The following RNF213 variants were observed in gnomAD, a reference collection of about 807,000 sequenced individuals.
RNF213 encodes the protein E3 ubiquitin-protein ligase RNF213.
A neutral mutation model predicts 514.4 loss-of-function variants in RNF213; 341 were observed. That is an observed-to-expected ratio of 0.66 (90% CI 0.61 to 0.73). The LOEUF (loss-of-function observed/expected upper bound fraction) is 0.73. RNF213 is among the 30% of genes least tolerant of loss of function. The pLI, the probability that RNF213 is intolerant of heterozygous loss-of-function variation, is 0.00. For missense variants in RNF213, 5,767 were observed against 6,615.6 expected (o/e 0.87, Z 4.45); for synonymous variants, 2,655 against 2,658.2 (o/e 1.00, Z 0.04).
intron 57 of RNF213, chr17:80,382,188 TAAAAA>T (rs35569924): frequency 6.5e-6 from 1 of 153,990 alleles, no homozygotes; most frequent in Admixed American, 6.2e-5. Flanking sequence ...ACAGTTATGT[TAAAAA>T]AAAAAAGCTA....
Position 80,353,450 on chromosome 17 carries a change from C to A in RNF213, c.10424-62C>A, listed in dbSNP as rs2078607196. 2.0e-5 allele frequency: 31 copies of A among 1,547,316 alleles called. No homozygotes were observed. Among genetic ancestry groups the A allele is most frequent in the Non-Finnish European group, 2.5e-5 (28 of 1,141,248 alleles). ...TGAGCACACAGACTCCCAGATGGCA[C>A]CGCTGCCAGTCCCTGTGCCACCTTC... On this transcript the variant is annotated intron_variant, in intron 33 of 67. Transcript: ENST00000582970. The surrounding 1 kb of genome is among the most constrained non-coding windows in gnomAD (Gnocchi z 5.0).
intron 3 of RNF213, among the ~76,000 whole-genome samples, chr17:80,281,477 C>CACCCCACTCA (rs1491436625): frequency 6.9e-5 from 6 of 87,482 alleles, no homozygotes; most frequent in South Asian, 4.0e-4. Context: ...CACTCACACA[C>CACCCCACTCA]CCCCCAACAT....
chr17:80,280,887 G>A (rs111478526), intron 3 of RNF213, among the ~76,000 whole-genome samples: 190 of 152,204 alleles, frequency 1.2e-3, no homozygotes, highest in African/African-American at 3.9e-3. Context: ...ACATTCCCAC[G>A]GAGTAACAGA....
intron 3 of RNF213, among the ~76,000 whole-genome samples, chr17:80,284,714 T>TC (rs1256839357): frequency 6.9e-6 from 1 of 145,820 alleles, no homozygotes; most frequent in East Asian, 2.2e-4. Flanking sequence ...TCCGGACGGC[T>TC]CCCCCACTGA....
chr17:80,272,587 C>A (rs1003412197), intron 2 of RNF213, among the ~76,000 whole-genome samples: 1 of 152,176 alleles, frequency 6.6e-6, no homozygotes, highest in Non-Finnish European at 1.5e-5. Context: ...GATTTGCCCT[C>A]ACGACCCACA....
Position 80,372,493 on chromosome 17 carries a change from C to A in RNF213, c.12538-28C>A, listed in dbSNP as rs531618903. Reference sequence around the variant, plus strand: ...CATCCATGTTTAAAAAAATAATATCCTTTTCTTTCTTGTTCCTTGTTCCTC... The same window carrying A: ...CATCCATGTTTAAAAAAATAATATCATTTTCTTTCTTGTTCCTTGTTCCTC... On this transcript the variant is annotated intron_variant, in intron 47 of 67. Transcript: ENST00000582970. The A allele has an allele frequency of 3.9e-6, 6 of 1,552,688 alleles. No homozygotes were observed. The South Asian group carries it at 6.8e-5, about 18-fold the overall frequency.
At position 80,332,606 on chromosome 17, in the gene RNF213, G is replaced by C. The variant is rs2046446697; in HGVS notation, c.4118G>C (p.Ser1373Thr). The C allele has an allele frequency of 3.3e-6, 5 of 1,512,638 alleles. No homozygotes were observed. The highest frequency in any genetic ancestry group is 2.8e-5 in the African/African-American group (2 of 72,068). The allele number at this position is 1,512,638 out of a possible 1,614,324, so 93.7% of individuals were successfully genotyped here. ...KESLGLNGDF[S>T]VLNTLLNFTD... The stretch of plus-strand genomic sequence containing the variant: ...AGCCTGGGACTGAACGGTGACTTCA[G>C]TGTTCTCAACACTTTACTAAATTTT... The change falls in exon 21 of 68, where the codon AGT becomes ACT. Residue 1373 changes from serine to threonine, a missense_variant. Around this residue, in one of 13 missense-constraint regions of RNF213, gnomAD observed 516 missense variants for 566.5 expected, o/e 0.91. Transcript: ENST00000582970.
intron 17 of RNF213, among the ~76,000 whole-genome samples, chr17:80,321,753 T>C (rs2046142562): frequency 6.6e-6 from 1 of 152,172 alleles, no homozygotes; most frequent in African/African-American, 2.4e-5. Flanking sequence ...AGATGGAGTC[T>C]TGCCCTGTCA....
At position 80,377,212 on chromosome 17, in the gene RNF213, C is replaced by A. The variant is rs1433104875; in HGVS notation, c.13510+249C>A. On this transcript the variant is annotated intron_variant, in intron 53 of 67. Transcript: ENST00000582970. The surrounding 1 kb of genome is among the most constrained non-coding windows in gnomAD (Gnocchi z 4.1). ...AGGCCCTCTGTGATGCACTTCTGTTCTCTGGAATATGCCATTTTGGGAGAA... is the reference window on the plus strand; with the variant it reads ...AGGCCCTCTGTGATGCACTTCTGTTATCTGGAATATGCCATTTTGGGAGAA... The A allele has an allele frequency of 4.0e-5, 21 of 524,806 alleles. No individual in the cohort carries two copies. Among genetic ancestry groups the A allele is most frequent in the Non-Finnish European group, 6.9e-5 (20 of 289,814 alleles). 32.5% of individuals were successfully genotyped at this position (524,806 alleles called of 1,614,324 possible).
At chr17:80,282,854 C>T (rs2044346769) in intron 3 of RNF213, among the ~76,000 whole-genome samples, 2 of 152,004 alleles carry the variant, frequency 1.3e-5, no homozygotes, top group Non-Finnish European at 2.9e-5. Context: ...TGTGCCACCA[C>T]GCCTGGCTAA....
At chr17:80,373,334 C>A (rs1010634795) in intron 49 of RNF213, among the ~76,000 whole-genome samples, 169 bp downstream of exon 49, 1 of 148,594 alleles carries the variant, frequency 6.7e-6, no homozygotes, top group Non-Finnish European at 1.5e-5. Flanking sequence ...CACCCCCACA[C>A]CTCACCCTCA....
intron 17 of RNF213, chr17:80,320,128 A>G (rs2046090912): frequency 3.5e-6 from 2 of 563,790 alleles, no homozygotes; most frequent in Non-Finnish European, 4.5e-6. Context: ...TTAATGACAG[A>G]GCATTTTCAT....
At chr17:80,385,288 C>A in intron 60 of RNF213, 117 bp downstream of exon 60, 1 of 1,289,308 alleles carries the variant, frequency 7.8e-7, no homozygotes, top group Non-Finnish European at 1.1e-6. Flanking sequence ...TGCTCTATAG[C>A]CTAAGCCCTT....
intron 17 of RNF213, among the ~76,000 whole-genome samples, chr17:80,322,783 G>A (rs1203856330): frequency 6.6e-6 from 1 of 152,064 alleles, no homozygotes; most frequent in Non-Finnish European, 1.5e-5. Flanking sequence ...CTATATACAA[G>A]TCACTTGTCA....
At position 80,343,443 on chromosome 17, in the gene RNF213, G is replaced by A. The variant is rs756994119; in HGVS notation, c.6183+118G>A. The A allele has an allele frequency of 9.7e-5, 90 of 925,696 alleles. No individual in the cohort carries two copies. Among genetic ancestry groups the A allele is most frequent in the Non-Finnish European group, 1.5e-4 (87 of 586,304 alleles). The allele number at this position is 925,696 out of a possible 1,614,324, so 57.3% of individuals were successfully genotyped here. ...GTTTCCACACGCACAGTCCTGTGAAGCTTAACAGTGGGAATGTGCTCTGAG... is the reference window on the plus strand; with the variant it reads ...GTTTCCACACGCACAGTCCTGTGAAACTTAACAGTGGGAATGTGCTCTGAG... On this transcript the variant is annotated intron_variant, in intron 27 of 67. Transcript: ENST00000582970. This position sits in a 1 kb window ranked among gnomAD's most constrained non-coding sequence, Gnocchi z 4.3.
rs1240564182 is a variant in RNF213, at chr17:80,332,649, G to A, written c.4143+18G>A. ...TAAATTTTGTAAGTTATTTGCTGGG[G>A]ACTGTGGGGGTTTGGAGGGGCGTCC... On this transcript the variant is annotated intron_variant, in intron 21 of 67. Coordinates refer to ENST00000582970, the MANE Select transcript of RNF213 (RefSeq NM_001256071.3). 2 of 1,467,210 alleles carry A rather than the reference G, an allele frequency of 1.4e-6. No homozygotes were observed. Among genetic ancestry groups the A allele is most frequent in the Admixed American group, 4.8e-5 (2 of 41,628 alleles). 90.9% of individuals were successfully genotyped at this position (1,467,210 alleles called of 1,614,324 possible).
At chr17:80,315,303 A>G (rs111211105) in intron 15 of RNF213, among the ~76,000 whole-genome samples, 5 of 5,132 alleles carry the variant, frequency 9.7e-4, no homozygotes, top group East Asian at 7.9e-3. Flanking sequence ...GGTGGAGGTA[A>G]TGGAGGTGAT....
chr17:80,290,460 TGTG>T, intron 6 of RNF213, 107 bp from the exon 7 acceptor site: 1 of 1,315,996 alleles, frequency 7.6e-7, no homozygotes, highest in Non-Finnish European at 1.1e-6. Context: ...TGCGAGTGCA[TGTG>T]TGTGTGCACG....
At position 80,317,609 on chromosome 17, in the gene RNF213, G is replaced by A. The variant is rs552128800; in HGVS notation, c.2901+332G>A. On this transcript the variant is annotated intron_variant, in intron 16 of 67. Transcript: ENST00000582970. The surrounding 1 kb of genome is among the most constrained non-coding windows in gnomAD (Gnocchi z 4.1). ...CTCAACCCCTTGTGGGAGGGAGCAC[G>A]TGAGTGAGTGTGGCATCTGGCCAGC... Among the ~76,000 whole-genome samples, 1 of 152,324 alleles carries A rather than the reference G, an allele frequency of 6.6e-6. No homozygotes were observed. Among genetic ancestry groups the A allele is most frequent in the Non-Finnish European group, 1.5e-5 (1 of 68,036 alleles).
Sources: gnomAD v4.1 joint callset for allele counts (sites outside exome capture counted in the v4.1 genomes callset) on GRCh38, gnomAD v4.1.1 for gene constraint, gnomAD v4.1.1 regional missense constraint, Gnocchi (gnomAD v3.1) non-coding constraint, MANE v1.5 for transcripts, NCBI Gene and HGNC (gene_info 2026-07-23, HGNC 2026-07-21) for gene names.